ARFGEF1: variants seen among roughly 807,000 people sequenced by gnomAD.
ARFGEF1 encodes the protein ARF guanine nucleotide exchange factor 1.
In ARFGEF1, 42 loss-of-function variants were observed where a neutral mutation model predicts 231.0. The ratio of observed to expected loss-of-function variants is 0.18; its 90% confidence interval spans 0.14 to 0.24. The LOEUF is 0.24. ARFGEF1 is among the 10% of genes least tolerant of loss of function. ARFGEF1 has a pLI of 1.00. For synonymous variants in ARFGEF1, 710 were observed against 732.3 expected, an observed-to-expected ratio of 0.97 and a Z score of 0.49; for missense variants, 1,345 against 2,192.0, an observed-to-expected ratio of 0.61 and a Z score of 7.72.
rs76753890 is a variant in ARFGEF1, at chr8:67,232,709, C to A, written c.3380+146G>T. 1,142 of 572,696 alleles carry A rather than the reference C, an allele frequency of 2.0e-3. 17 individuals are homozygous for A. In the African/African-American group the frequency reaches 0.02, roughly 10 times the overall value. 35.5% of individuals were successfully genotyped at this position (572,696 alleles called of 1,614,324 possible). On this transcript the variant is annotated intron_variant, in intron 23 of 38. Transcript: ENST00000262215. The stretch of plus-strand genomic sequence containing the variant: ...AAAAGCAAAATTATAGGTACTTCAT[C>A]ATCTAAATCACAGCATATCACAATA...
downstream of ARFGEF1, chr8:67,193,564 G>A (rs763390190): frequency 4.2e-5 from 67 of 1,613,746 alleles, no homozygotes; most frequent in African/African-American, 1.7e-4. Context: ...GAACGAATGC[G>A]AAGACTGAAT....
intron 6 of ARFGEF1, among the ~76,000 whole-genome samples, chr8:67,288,411 A>G (rs1805851395): frequency 6.7e-6 from 1 of 149,922 alleles, no homozygotes; most frequent in Admixed American, 6.6e-5. Context: ...CTTAGTACAC[A>G]CATTACACTA....
chr8:67,211,434 C>A, intron 34 of ARFGEF1, 49 bp downstream of exon 34: 1 of 1,427,726 alleles, frequency 7.0e-7, no homozygotes, highest in South Asian at 1.4e-5. Flanking sequence ...AATGTTAACC[C>A]TTTCCTACAT....
At chr8:67,222,180 C>T (rs7017383) in intron 29 of ARFGEF1, among the ~76,000 whole-genome samples, 2,545 of 86,208 alleles carry the variant, frequency 0.03, 80 homozygotes, top group African/African-American at 0.099. Flanking sequence ...TATATATATA[C>T]ACATATATAT....
At chr8:67,252,418 A>G (rs1840323012) in intron 18 of ARFGEF1, among the ~76,000 whole-genome samples, 1 of 151,712 alleles carries the variant, frequency 6.6e-6, no homozygotes, top group Non-Finnish European at 1.5e-5. Context: ...TCGGCACACC[A>G]CCATCTCCTT....
intron 1 of ARFGEF1, among the ~76,000 whole-genome samples, chr8:67,327,775 T>C (rs1163172526): frequency 3.9e-5 from 6 of 152,200 alleles, no homozygotes. Context: ...CTAAGAAAAG[T>C]ACTATATAAT....
chr8:67,263,396 C>T (rs1043677257), intron 14 of ARFGEF1, among the ~76,000 whole-genome samples: 5 of 152,220 alleles, frequency 3.3e-5, no homozygotes, highest in Admixed American at 3.3e-4. Context: ...AAACAGAAAT[C>T]TGATGATGCT....
chr8:67,247,086 G>C (rs949107703), intron 19 of ARFGEF1, among the ~76,000 whole-genome samples: 1 of 150,126 alleles, frequency 6.7e-6, no homozygotes, highest in African/African-American at 2.5e-5. Flanking sequence ...CAAGCAATGA[G>C]ATCAAAGCCA....
chr8:67,329,345 C>T (rs768934183), intron 1 of ARFGEF1, among the ~76,000 whole-genome samples: 8 of 151,328 alleles, frequency 5.3e-5, no homozygotes, highest in Non-Finnish European at 1.0e-4. Context: ...CTGGCTAACA[C>T]GGTGAAACCC....
chr8:67,289,187 C>T (rs149052977), intron 6 of ARFGEF1, among the ~76,000 whole-genome samples: 71 of 152,214 alleles, frequency 4.7e-4, no homozygotes, highest in Non-Finnish European at 7.6e-4. Context: ...CCGTTCTACA[C>T]CAAAGGGCAT....
At chr8:67,257,447 A>C (rs1466651920) in intron 17 of ARFGEF1, among the ~76,000 whole-genome samples, 2 of 152,220 alleles carry the variant, frequency 1.3e-5, no homozygotes, top group African/African-American at 4.8e-5. Context: ...ACAAACTGAC[A>C]TAAGACCTAT....
chr8:67,193,676 C>G, downstream of ARFGEF1: 1 of 1,327,074 alleles, frequency 7.5e-7, no homozygotes, highest in Non-Finnish European at 1.1e-6. Context: ...AAGGCTTTCA[C>G]TAACGTCTGA....
chr8:67,276,045 G>A lies in ARFGEF1; in HGVS notation c.1268C>T (p.Ala423Val). ...AKFSHILQKDAFLVFRSLCKL... is the reference protein window; with the variant it reads ...AKFSHILQKDVFLVFRSLCKL... ...ACACAATGACCTGAATACTAGAAAGGCATCCTTTTGTAAAATGTGGGAAAA... is the reference window on the plus strand; with the variant it reads ...ACACAATGACCTGAATACTAGAAAGACATCCTTTTGTAAAATGTGGGAAAA... The change falls in exon 9 of 39, where the codon GCC (alanine) becomes GTC (valine). Residue 423 changes from alanine to valine, a missense_variant. Coordinates refer to ENST00000262215, the MANE Select transcript of ARFGEF1 (RefSeq NM_006421.5). 6.2e-7 allele frequency: 1 copy of A among 1,613,426 alleles called. No homozygotes were observed. Among genetic ancestry groups the A allele is most frequent in the Non-Finnish European group, 8.5e-7 (1 of 1,179,530 alleles).
chr8:67,262,036 T>C (rs954773744), intron 14 of ARFGEF1, among the ~76,000 whole-genome samples: 2 of 152,044 alleles, frequency 1.3e-5, no homozygotes, highest in Non-Finnish European at 2.9e-5. Context: ...AAAGAGATAC[T>C]ACTTAAAAGC....
chr8:67,321,630 T>C (rs1392531007), intron 1 of ARFGEF1, among the ~76,000 whole-genome samples: 1 of 151,816 alleles, frequency 6.6e-6, no homozygotes, highest in Non-Finnish European at 1.5e-5. Context: ...CCGGCTATTT[T>C]TTTTTATTTT....
In ARFGEF1 at chr8:67,338,072, TTCTC is replaced by T. The variant is rs774514893; in HGVS notation, c.124+5088_124+5091del. ...CCCAAATTATTTCCCATTCACAATT[TTCTC>T]TCTAAGTTAAACCTTACCAAGAGAC... is the stretch of plus-strand genomic sequence containing the variant. On this transcript the variant is annotated intron_variant, in intron 1 of 38. Coordinates refer to ENST00000262215, the MANE Select transcript of ARFGEF1 (RefSeq NM_006421.5). Among the ~76,000 whole-genome samples the T allele has an allele frequency of 5.3e-5, 8 of 152,350 alleles. No individual in the cohort carries two copies. The South Asian group carries it at 6.2e-4, about 12-fold the overall frequency.
intron 1 of ARFGEF1, among the ~76,000 whole-genome samples, chr8:67,329,221 CAAAAAACAAAACA>C (rs917424433): frequency 3.3e-5 from 5 of 150,114 alleles, no homozygotes; most frequent in Non-Finnish European, 7.4e-5. Context: ...AAAAACAAAA[CAAAAAACAAAACA>C]AAAAAACAAA....
At chr8:67,179,535 A>G (rs1832512548) in intron 5 of ARFGEF1, among the ~76,000 whole-genome samples, 1 of 152,198 alleles carries the variant, frequency 6.6e-6, no homozygotes, top group Non-Finnish European at 1.5e-5. Context: ...ACTGTATTAT[A>G]TTTTCCATCA....
In ARFGEF1 at chr8:67,228,073, G is replaced by A; in HGVS notation, c.3481C>T (p.Pro1161Ser). The A allele has an allele frequency of 6.2e-7, 1 of 1,609,430 alleles. No homozygotes were observed. The highest frequency in any genetic ancestry group is 2.2e-5 in the East Asian group (1 of 44,732). ...ATTTTTTGTAGACTAAACATTCTTG[G>A]GTGTGTCGTGGAAAGTAATTCATCC... ...SMDELLSTTH[P>S]RMFSLQKIVE... is the part of the protein sequence containing the mutation. Residue 1161 changes from proline to serine, a missense_variant, in exon 25 of 39, where the codon CCA becomes TCA. By Grantham distance (74) the Pro-to-Ser change is moderately conservative. Coordinates refer to ENST00000262215, the MANE Select transcript of ARFGEF1 (RefSeq NM_006421.5).
Sources: gnomAD v4.1 joint callset for allele counts (sites outside exome capture counted in the v4.1 genomes callset) on GRCh38, gnomAD v4.1.1 for gene constraint, MANE v1.5 for transcripts, NCBI Gene and HGNC (gene_info 2026-07-23, HGNC 2026-07-21) for gene names.